Variants in EPHA10 observed in about 807,000 individuals in gnomAD.
EPHA10 encodes EPH receptor A10, also known as ephrin type-A receptor 10.
EPHA10 carries 120 observed loss-of-function variants against 109.7 expected under a neutral mutation model. That is an observed-to-expected ratio of 1.09 (90% CI 0.94 to 1.27). The LOEUF is 1.27. EPHA10 is among the 50% of genes most tolerant of loss of function. EPHA10 has a pLI of 0.00. For synonymous variants in EPHA10, 640 were observed against 618.9 expected, an observed-to-expected ratio of 1.03 and a Z score of -0.51; for missense variants, 1,396 against 1,411.1, an observed-to-expected ratio of 0.99 and a Z score of 0.17.
At chr1:37,736,332 C>A (rs1646069864) in intron 5 of EPHA10, among the ~76,000 whole-genome samples, 1 of 152,066 alleles carries the variant, frequency 6.6e-6, no homozygotes, top group Admixed American at 6.5e-5. Context: ...GCAAAATTAG[C>A]CAGGCATGGT....
intron 5 of EPHA10, among the ~76,000 whole-genome samples, chr1:37,746,757 A>G (rs924783133): frequency 1.3e-5 from 2 of 152,234 alleles, no homozygotes; most frequent in Non-Finnish European, 2.9e-5. Context: ...ATTGTGGTCT[A>G]TCCATGCAAT....
rs374163482 is a variant in EPHA10, at chr1:37,720,343, G to A, written c.2412+8C>T. 1.0e-4 allele frequency: 159 copies of A among 1,589,918 alleles called. 2 individuals carry two copies. Among genetic ancestry groups the A allele is most frequent in the South Asian group, 4.8e-4 (43 of 88,678 alleles). Reference sequence around the variant, plus strand: ...GGCACAGGCAGGCTTGGCTGGGGGCGCCCTCACCATAGTGGTGTAGACAGC... The same window carrying A: ...GGCACAGGCAGGCTTGGCTGGGGGCACCCTCACCATAGTGGTGTAGACAGC... On this transcript the variant is annotated splice_region_variant and intron_variant, in intron 13 of 16. Coordinates refer to ENST00000373048, the MANE Select transcript of EPHA10 (RefSeq NM_001099439.2).
rs1490750095 is a variant in EPHA10, at chr1:37,717,173, C to G, written c.*1199G>C. 4.7e-5 allele frequency: 11 copies of G among 232,788 alleles called. No individual in the cohort carries two copies. Among genetic ancestry groups the G allele is most frequent in the African/African-American group, 2.2e-4 (10 of 45,318 alleles). The allele number at this position is 232,788 out of a possible 1,614,324, so 14.4% of individuals were successfully genotyped here. On this transcript the variant is annotated 3_prime_UTR_variant, in exon 17 of 17. Transcript: ENST00000373048. ...CTGGCATACTGGGCCCCACCATTCC[C>G]GGGGGCCCTTGTGGATAAGGAACTC...
Position 37,761,297 on chromosome 1 carries a change from C to T in EPHA10, c.850+108G>A, listed in dbSNP as rs564705345. ...TTGGGCTCCAGAGTCCAAGGCTTCT[C>T]CACCGCCCCCCGACCCCACACCCGC... is the stretch of plus-strand genomic sequence containing the variant. On this transcript the variant is annotated intron_variant, in intron 3 of 16. Transcript: ENST00000373048. The T allele has an allele frequency of 8.9e-5, 137 of 1,541,312 alleles. No individual in the cohort carries two copies. In the African/African-American group the frequency reaches 1.6e-3, roughly 18 times the overall value.
At chr1:37,715,480 A>G (rs746924828), downstream of EPHA10, among the ~76,000 whole-genome samples, 4 of 151,676 alleles carry the variant, frequency 2.6e-5, no homozygotes, top group Non-Finnish European at 4.4e-5. Flanking sequence ...CCTCCTTCTC[A>G]TCCTGGCTTC....
chr1:37,723,076 G>T lies in EPHA10; in HGVS notation c.1925C>A (p.Ala642Glu). 5 of 1,614,184 alleles carry T rather than the reference G, an allele frequency of 3.1e-6. No homozygotes were observed. Among genetic ancestry groups the T allele is most frequent in the Non-Finnish European group, 4.2e-6 (5 of 1,180,030 alleles). Residue 642 changes from alanine (A) to glutamate (E), a missense_variant, in exon 10 of 17, where the codon GCG (alanine) becomes GAG (glutamate). Physicochemically the swap from Ala to Glu is moderately radical, Grantham distance 107. Coordinates refer to ENST00000373048, the MANE Select transcript of EPHA10 (RefSeq NM_001099439.2). ...GCTCCTCTCCAGCGTGACGCTTTTC[G>T]CATCCAGTTCCTTGGCGAACAGATG... ...AVHLFAKELD[A>E]KSVTLERSLG...
At chr1:37,761,302 G>T (rs891085099) in intron 3 of EPHA10, 103 bp downstream of exon 3, 2 of 1,540,322 alleles carry the variant, frequency 1.3e-6, no homozygotes, top group Non-Finnish European at 1.7e-6. Flanking sequence ...CTTCTCCACC[G>T]CCCCCCGACC....
Position 37,721,735 on chromosome 1 carries a change from A to G in EPHA10, c.2071T>C (p.Phe691Leu), listed in dbSNP as rs1353027371. The part of the protein sequence containing the change: ...DSASDSQRLG[F>L]LAEALTLGQF... ...CCCAGCGTGAGGGCCTCGGCCAGGA[A>G]GCCGAGCCTCTGTGAGTCGGAGGCG... Residue 691 changes from phenylalanine to leucine, a missense_variant, in exon 11 of 17, where the codon TTC becomes CTC. Physicochemically the swap from Phe to Leu is conservative, Grantham distance 22. Coordinates refer to ENST00000373048, the MANE Select transcript of EPHA10 (RefSeq NM_001099439.2). The G allele has an allele frequency of 1.9e-6, 3 of 1,612,456 alleles. No individual in the cohort carries two copies. The highest frequency in any genetic ancestry group is 2.5e-6 in the Non-Finnish European group (3 of 1,179,820).
At chr1:37,720,695 A>T in intron 12 of EPHA10, 88 bp downstream of exon 12, 1 of 1,566,006 alleles carries the variant, frequency 6.4e-7, no homozygotes, top group Non-Finnish European at 8.8e-7. Flanking sequence ...GGATGATGCC[A>T]ATTCCAAGCC....
chr1:37,764,908 C>A lies in EPHA10; in HGVS notation c.106+53G>T. The A allele has an allele frequency of 6.6e-7, 1 of 1,509,606 alleles. No homozygotes were observed. The highest frequency in any genetic ancestry group is 1.2e-5 in the South Asian group (1 of 83,670). The allele number at this position is 1,509,606 out of a possible 1,614,324, so 93.5% of individuals were successfully genotyped here. A position where few individuals can be genotyped will look rare whatever the true frequency, so the allele number is the denominator to read the frequency against. ...CTTCCCCCAGAACCCCCATCGCCAG[C>A]CCCCTATCTTTTGGTATGCCACGCT... On this transcript the variant is annotated intron_variant, in intron 1 of 16. Transcript: ENST00000373048. This position sits in a 1 kb window ranked among gnomAD's most constrained non-coding sequence, Gnocchi z 5.8.
intron 10 of EPHA10, chr1:37,722,049 T>C (rs1409512580): frequency 2.0e-6 from 1 of 503,688 alleles, no homozygotes; most frequent in Non-Finnish European, 3.5e-6. Flanking sequence ...GAAAATCACT[T>C]GAACCCAGGA....
intron 5 of EPHA10, among the ~76,000 whole-genome samples, chr1:37,738,760 C>G (rs1557545981): frequency 6.6e-6 from 1 of 152,094 alleles, no homozygotes; most frequent in Non-Finnish European, 1.5e-5. Flanking sequence ...CCTAAATGTC[C>G]ATAAGTGGAT....
chr1:37,719,638 G>C, intron 14 of EPHA10, 31 bp from the exon 15 acceptor site: 3 of 1,610,166 alleles, frequency 1.9e-6, no homozygotes, highest in Non-Finnish European at 2.5e-6. Flanking sequence ...GCAGAGAGGA[G>C]GCTCTGGGTT....
chr1:37,722,293 A>C (rs1320510648), intron 10 of EPHA10: 1 of 249,972 alleles, frequency 4.0e-6, no homozygotes, highest in Non-Finnish European at 8.1e-6. Flanking sequence ...GGAGGTTTCC[A>C]AGCCTTAAAG....
chr1:37,730,702 T>G (rs1645967769), intron 7 of EPHA10, among the ~76,000 whole-genome samples: 1 of 152,152 alleles, frequency 6.6e-6, no homozygotes, highest in South Asian at 2.1e-4. Context: ...AATCCTTCTT[T>G]TTTTTTTGAG....
In EPHA10 at chr1:37,754,290, T is replaced by C; in HGVS notation, c.931A>G (p.Asn311Asp). 7.6e-7 allele frequency: 1 copy of C among 1,316,558 alleles called. No individual in the cohort carries two copies. 81.6% of individuals were successfully genotyped at this position (1,316,558 alleles called of 1,614,324 possible). ...PCPEHSRALE[N>D]ASTFCVCQDS... Reference sequence around the variant, plus strand: ...TGGCACACGCAGAAGGTGGAGGCGTTTTCCAGGGCCCGGCTGTGCTCTGGG... The same window carrying C: ...TGGCACACGCAGAAGGTGGAGGCGTCTTCCAGGGCCCGGCTGTGCTCTGGG... Residue 311 changes from asparagine to aspartate, a missense_variant, in exon 4 of 17, where the codon AAC (asparagine) becomes GAC (aspartate). Transcript: ENST00000373048. The surrounding 1 kb of genome is among the most constrained non-coding windows in gnomAD (Gnocchi z 4.5).
chr1:37,729,851 T>G, intron 7 of EPHA10, among the ~76,000 whole-genome samples: 1 of 149,732 alleles, frequency 6.7e-6, no homozygotes, highest in Admixed American at 6.7e-5. Context: ...CCAGCCTGGG[T>G]GACACAGTAA....
intron 5 of EPHA10, among the ~76,000 whole-genome samples, chr1:37,744,409 A>G (rs972243318): frequency 6.6e-6 from 1 of 151,708 alleles, no homozygotes; most frequent in Non-Finnish European, 1.5e-5. Flanking sequence ...AATCCCAGCT[A>G]CTCGGGAGGC....
At chr1:37,719,053 T>A (rs983452102) in intron 15 of EPHA10, 1 of 615,444 alleles carries the variant, frequency 1.6e-6, no homozygotes, top group Non-Finnish European at 2.8e-6. Context: ...TCCGGAACAG[T>A]CTGGGGTAGG....
Sources: allele counts gnomAD v4.1 joint callset (sites outside exome capture counted in the v4.1 genomes callset), GRCh38; gene constraint gnomAD v4.1.1; non-coding constraint Gnocchi (gnomAD v3.1); transcripts MANE v1.5; gene names NCBI Gene and HGNC (gene_info 2026-07-23, HGNC 2026-07-21).